SLC66A3: variants seen among roughly 807,000 people sequenced by gnomAD.
SLC66A3 encodes the protein solute carrier family 66 member 3.
A neutral mutation model predicts 25.5 loss-of-function variants in SLC66A3; 23 were observed. The observed-to-expected ratio is 0.90, with a 90% CI of 0.65 to 1.28. SLC66A3 has a LOEUF of 1.28. Among genes scored for constraint, SLC66A3 ranks in the 50% most tolerant of loss-of-function variants. The probability of loss-of-function intolerance (pLI) is 0.00; values close to 1 mark genes in which losing one functional copy is unlikely to be tolerated. For missense variants in SLC66A3, 246 were observed against 262.1 expected (o/e 0.94, Z 0.42); for synonymous variants, 108 against 112.6 (o/e 0.96, Z 0.26).
chr2:11,168,060 C>T (rs903315859), intron 4 of SLC66A3, among the ~76,000 whole-genome samples: 1 of 152,110 alleles, frequency 6.6e-6, no homozygotes, highest in Non-Finnish European at 1.5e-5. Flanking sequence ...ACGGGCGGAT[C>T]ACAAGGTCAG....
intron 2 of SLC66A3, 21 bp from the exon 3 acceptor site, chr2:11,160,603 AC>A (rs1240041251): frequency 6.2e-7 from 1 of 1,613,410 alleles, no homozygotes; most frequent in Non-Finnish European, 8.5e-7. Context: ...TTCCCCCCTC[AC>A]TCGGAGCCTC....
intron 4 of SLC66A3, among the ~76,000 whole-genome samples, chr2:11,168,096 C>T (rs997522979): frequency 9.2e-5 from 14 of 152,112 alleles, no homozygotes; most frequent in South Asian, 2.1e-4. Context: ...CTGGCTAACA[C>T]GGTGAAACCT....
At chr2:11,169,694 C>T (rs1377054660) in intron 4 of SLC66A3, among the ~76,000 whole-genome samples, 1 of 152,086 alleles carries the variant, frequency 6.6e-6, no homozygotes, top group African/African-American at 2.4e-5. Flanking sequence ...CCTCTCCAAC[C>T]TCGCGTGTCC....
chr2:11,165,158 G>A (rs1304956223), intron 4 of SLC66A3, among the ~76,000 whole-genome samples: 1 of 151,364 alleles, frequency 6.6e-6, no homozygotes, highest in African/African-American at 2.4e-5. Flanking sequence ...GCCGGGCGGG[G>A]GCTGACCCCC....
rs1390366969 is a variant in SLC66A3, at chr2:11,174,959, C to T, written c.476-9C>T. The stretch of plus-strand genomic sequence containing the variant: ...CAAGTTACTTATTGCTGCAAGTTTT[C>T]TTTTACAGCAAGAATAATCACAACC... On this transcript the variant is annotated splice_polypyrimidine_tract_variant and intron_variant, in intron 5 of 6. Transcript: ENST00000295083. 1.2e-6 allele frequency: 2 copies of T among 1,605,956 alleles called. No individual in the cohort carries two copies. The highest frequency in any genetic ancestry group is 1.7e-5 in the Admixed American group (1 of 58,742).
In SLC66A3 at chr2:11,178,456, C is replaced by G. The variant is rs1662847607; in HGVS notation, c.*628C>G. The stretch of plus-strand genomic sequence containing the variant: ...GCACTGTGCCTTAAGTAATTACTAA[C>G]AAAAGGTACTAGGATTAGCTGCAAT... On this transcript the variant is annotated 3_prime_UTR_variant, in exon 7 of 7. Coordinates refer to ENST00000295083, the MANE Select transcript of SLC66A3 (RefSeq NM_152391.5). 1 of 152,626 alleles carries G rather than the reference C, an allele frequency of 6.6e-6. No homozygotes were observed. 9.5% of individuals were successfully genotyped at this position (152,626 alleles called of 1,614,324 possible). A position where few individuals can be genotyped will look rare whatever the true frequency, so the allele number is the denominator to read the frequency against.
At chr2:11,163,644 G>T (rs965764665) in intron 3 of SLC66A3, among the ~76,000 whole-genome samples, 1 of 152,188 alleles carries the variant, frequency 6.6e-6, no homozygotes, top group African/African-American at 2.4e-5. Context: ...AGCCCTGGCC[G>T]CTGTCTCCTG....
At chr2:11,161,856 T>C (rs1662142074) in intron 3 of SLC66A3, among the ~76,000 whole-genome samples, 1 of 152,224 alleles carries the variant, frequency 6.6e-6, no homozygotes, top group South Asian at 2.1e-4. Context: ...GCTGTCAGCC[T>C]GTCCTGCCAC....
At chr2:11,174,909 G>A in intron 5 of SLC66A3, 59 bp from the exon 6 acceptor site, 3 of 1,215,066 alleles carry the variant, frequency 2.5e-6, no homozygotes, top group Non-Finnish European at 3.6e-6. Context: ...GACATTATTA[G>A]CTAAGCCCCA....
At chr2:11,168,460 G>C (rs1282696091) in intron 4 of SLC66A3, among the ~76,000 whole-genome samples, 1 of 152,106 alleles carries the variant, frequency 6.6e-6, no homozygotes, top group African/African-American at 2.4e-5. Flanking sequence ...AAATAGCTTT[G>C]TTCCTGAAAG....
chr2:11,170,324 C>T lies in SLC66A3; in HGVS notation c.355-1601C>T, dbSNP rs181414452. ...ACCTTGTCTCCCTTCGGTCTACACT[C>T]AACCCAGAGACTGGAGTTTCAGCTG... On this transcript the variant is annotated intron_variant, in intron 4 of 6. Coordinates refer to ENST00000295083, the MANE Select transcript of SLC66A3 (RefSeq NM_152391.5). Among the ~76,000 whole-genome samples the T allele has an allele frequency of 2.2e-3, 341 of 152,316 alleles. 3 individuals are homozygous for T. Among genetic ancestry groups the T allele is most frequent in the African/African-American group, 8.0e-3 (332 of 41,574 alleles).
intron 3 of SLC66A3, among the ~76,000 whole-genome samples, chr2:11,163,531 G>T (rs1219033893): frequency 6.6e-6 from 1 of 152,172 alleles, no homozygotes; most frequent in Non-Finnish European, 1.5e-5. Context: ...TCTTGAGTCG[G>T]TGCTACGTGC....
chr2:11,165,120 A>T (rs188469628), intron 4 of SLC66A3, among the ~76,000 whole-genome samples: 302 of 145,786 alleles, frequency 2.1e-3, no homozygotes, highest in African/African-American at 7.4e-3. Context: ...GGGCAGAGGC[A>T]CCCCCCACCT....
At chr2:11,172,675 G>T in intron 5 of SLC66A3, 1 of 371,476 alleles carries the variant, frequency 2.7e-6, no homozygotes, top group Non-Finnish European at 5.6e-6. Flanking sequence ...CATGGTTGCT[G>T]GTCTTTATAT....
intron 4 of SLC66A3, among the ~76,000 whole-genome samples, chr2:11,170,649 TATG>T (rs1369419179): frequency 6.6e-6 from 1 of 151,426 alleles, no homozygotes; most frequent in Non-Finnish European, 1.5e-5. Flanking sequence ...AGTGCAGTGA[TATG>T]ATCTCAGCTC....
chr2:11,168,234 A>G (rs978540337), intron 4 of SLC66A3, among the ~76,000 whole-genome samples: 10 of 151,900 alleles, frequency 6.6e-5, no homozygotes, highest in South Asian at 2.1e-4. Context: ...GCAGTGAGCC[A>G]AGATTGAGCC....
intron 4 of SLC66A3, among the ~76,000 whole-genome samples, chr2:11,165,577 G>T (rs543573581): frequency 2.0e-5 from 3 of 151,682 alleles, no homozygotes; most frequent in Non-Finnish European, 4.4e-5. Context: ...GACGATGGGC[G>T]GCCAGGCAGA....
chr2:11,176,762 T>G (rs1662766328), intron 6 of SLC66A3, among the ~76,000 whole-genome samples: 1 of 134,660 alleles, frequency 7.4e-6, no homozygotes, highest in African/African-American at 2.8e-5. Flanking sequence ...TCTCCTGACC[T>G]CGTGATCCGC....
rs564321047 is a variant in SLC66A3, at chr2:11,160,142, C to A, written c.144-324C>A. On this transcript the variant is annotated intron_variant, in intron 1 of 6. Coordinates refer to ENST00000295083, the MANE Select transcript of SLC66A3 (RefSeq NM_152391.5). Reference sequence around the variant, plus strand: ...ATGGCAGGCAGGCCAGAAGCGTGGGCCCAGAAGGCCCAGTCTCATATTCTT... The same window carrying A: ...ATGGCAGGCAGGCCAGAAGCGTGGGACCAGAAGGCCCAGTCTCATATTCTT... 184 of 387,222 alleles carry A rather than the reference C, an allele frequency of 4.8e-4. 3 individuals are homozygous for A. The South Asian group carries it at 4.9e-3, about 10-fold the overall frequency. The allele number at this position is 387,222 out of a possible 1,614,324, so 24.0% of individuals were successfully genotyped here.
Sources: allele counts gnomAD v4.1 joint callset (sites outside exome capture counted in the v4.1 genomes callset), GRCh38; gene constraint gnomAD v4.1.1; transcripts MANE v1.5; gene names NCBI Gene and HGNC (gene_info 2026-07-23, HGNC 2026-07-21).